Variants in CYTH4 observed in about 807,000 individuals in gnomAD.
The protein encoded by CYTH4 is cytohesin-4.
Under a neutral mutation model 57.5 loss-of-function variants are expected in CYTH4, and 22 were observed. That is an observed-to-expected ratio of 0.38 (90% CI 0.27 to 0.55). The LOEUF (loss-of-function observed/expected upper bound fraction) is 0.55. CYTH4 is among the 20% of genes least tolerant of loss of function. The pLI is 0.74. For missense variants in CYTH4, 420 were observed against 535.6 expected (o/e 0.78, Z 2.13); for synonymous variants, 186 against 206.5 (o/e 0.90, Z 0.85).
In CYTH4 at chr22:37,286,110, T is replaced by G. The variant is rs63325360; in HGVS notation, c.19+3522T>G. On this transcript the variant is annotated intron_variant, in intron 1 of 12. Coordinates refer to ENST00000248901, the MANE Select transcript of CYTH4 (RefSeq NM_013385.5). Reference sequence around the variant, plus strand: ...CAAAGTTGGCTTTGCAGGGGTTGGGTGGGGGCAACTGCAGGCATCATTCTG... The same window carrying G: ...CAAAGTTGGCTTTGCAGGGGTTGGGGGGGGGCAACTGCAGGCATCATTCTG... Among the ~76,000 whole-genome samples, 98 of 28,468 alleles carry G rather than the reference T, an allele frequency of 3.4e-3. No individual in the cohort carries two copies. In the East Asian group the frequency reaches 0.046, roughly 13 times the overall value. 18.7% of individuals were successfully genotyped at this position (28,468 alleles called of 152,430 possible).
rs1041280961 is a variant in CYTH4 at position 37,314,614 on chromosome 22, G to A, written c.*1103G>A. 1.3e-5 allele frequency: 5 copies of A among 393,646 alleles called. No individual in the cohort carries two copies. The highest frequency in any genetic ancestry group is 7.2e-5 in the East Asian group (2 of 27,812). 24.4% of individuals were successfully genotyped at this position (393,646 alleles called of 1,614,324 possible). On this transcript the variant is annotated 3_prime_UTR_variant, in exon 13 of 13. Coordinates refer to ENST00000248901, the MANE Select transcript of CYTH4 (RefSeq NM_013385.5). Reference sequence around the variant, plus strand: ...GCAGCCCGGCGGGTCCCAGCATCTCGAGACCCTCTGCAGAAGTATTATCAG... The same window carrying A: ...GCAGCCCGGCGGGTCCCAGCATCTCAAGACCCTCTGCAGAAGTATTATCAG...
chr22:37,308,824 A>G (rs1040892199), intron 8 of CYTH4, among the ~76,000 whole-genome samples: 27 of 151,782 alleles, frequency 1.8e-4, no homozygotes, highest in Middle Eastern at 3.4e-3. Context: ...ATGTGTGAGC[A>G]TGCATTTATA....
Position 37,311,950 on chromosome 22 carries a change from T to C in CYTH4, c.958-70T>C. The C allele has an allele frequency of 6.4e-7, 1 of 1,567,820 alleles. No individual in the cohort carries two copies. Among genetic ancestry groups the C allele is most frequent in the African/African-American group, 1.4e-5 (1 of 73,994 alleles). ...GATCAGGGACACTAGCGTCTGGGCT[T>C]CTCTGAGCCTCCTGGAGGGCCCACC... On this transcript the variant is annotated intron_variant, in intron 11 of 12. Transcript: ENST00000248901. The surrounding 1 kb of genome is among the most constrained non-coding windows in gnomAD (Gnocchi z 4.4).
chr22:37,299,208 T>G lies in CYTH4; in HGVS notation c.354-18T>G. The G allele has an allele frequency of 5.7e-5, 78 of 1,374,344 alleles. No homozygotes were observed. The highest frequency in any genetic ancestry group is 7.2e-5 in the African/African-American group (5 of 69,488). 85.1% of individuals were successfully genotyped at this position (1,374,344 alleles called of 1,614,324 possible). A position where few individuals can be genotyped will look rare whatever the true frequency, so the allele number is the denominator to read the frequency against. ...GTATCCAAGTGTGTCCCACCCTCCC[T>G]TCCGCCTCCTCCCCCAGGGATCCCA... is the stretch of plus-strand genomic sequence containing the variant. On this transcript the variant is annotated intron_variant, in intron 5 of 12. Transcript: ENST00000248901.
Position 37,293,092 on chromosome 22 carries a change from A to G in CYTH4, c.102+389A>G, listed in dbSNP as rs147004925. Among the ~76,000 whole-genome samples the G allele has an allele frequency of 7.3e-3, 1,108 of 152,298 alleles. 30 individuals are homozygous for G. Among genetic ancestry groups the G allele is most frequent in the Admixed American group, 0.051 (775 of 15,298 alleles). On this transcript the variant is annotated intron_variant, in intron 2 of 12. Coordinates refer to ENST00000248901, the MANE Select transcript of CYTH4 (RefSeq NM_013385.5). ...GTGCCCTGCACTTACCACTTCACCAATCAGACTCAGACGTCAGCTCATCTG... is the reference window on the plus strand; with the variant it reads ...GTGCCCTGCACTTACCACTTCACCAGTCAGACTCAGACGTCAGCTCATCTG...
At chr22:37,282,826 G>T (rs1412850317) in intron 1 of CYTH4, among the ~76,000 whole-genome samples, 1 of 152,208 alleles carries the variant, frequency 6.6e-6, no homozygotes, top group Non-Finnish European at 1.5e-5. Context: ...TCTAGATGAG[G>T]AGACCGGCAG....
rs1388068555 is a variant in CYTH4, at chr22:37,314,792, A to G, written c.*1281A>G. ...AAATTCCTTGGCAGGGGAACAGGAA[A>G]TGTGGCCGCCTCTGCCCCACTGCCA... On this transcript the variant is annotated 3_prime_UTR_variant, in exon 13 of 13. Transcript: ENST00000248901. 1 of 183,176 alleles carries G rather than the reference A, an allele frequency of 5.5e-6. No homozygotes were observed. The highest frequency in any genetic ancestry group is 2.3e-5 in the African/African-American group (1 of 42,826). The allele number at this position is 183,176 out of a possible 1,614,324, so 11.3% of individuals were successfully genotyped here. A position where few individuals can be genotyped will look rare whatever the true frequency, so the allele number is the denominator to read the frequency against.
intron 8 of CYTH4, chr22:37,304,246 G>A (rs778047812): frequency 5.0e-5 from 23 of 456,620 alleles, no homozygotes; most frequent in South Asian, 9.3e-5. Context: ...GAACGGAGGC[G>A]TGTCCTGATT....
chr22:37,303,221 G>A (rs112793326), intron 7 of CYTH4, 33 bp from the exon 8 acceptor site: 1 of 1,611,950 alleles, frequency 6.2e-7, no homozygotes, highest in South Asian at 1.1e-5. Context: ...AGAGTGGCCA[G>A]GGCCAGAACT....
At chr22:37,286,078 AGCTCTGCAAAGTTG>A (rs1928546507) in intron 1 of CYTH4, among the ~76,000 whole-genome samples, 1 of 145,482 alleles carries the variant, frequency 6.9e-6, no homozygotes, top group African/African-American at 2.5e-5. Context: ...CAGTTTCCCC[AGCTCTGCAAAGTTG>A]GCTTTGCAGG....
In CYTH4 at chr22:37,310,133, T is replaced by C. The variant is rs1395698503; in HGVS notation, c.808+810T>C. Reference sequence around the variant, plus strand: ...TCCTGTCTACCAAGCCCCGTGCCAGTCCTGCCCAGAACCCCCAGGAGCCCA... The same window carrying C: ...TCCTGTCTACCAAGCCCCGTGCCAGCCCTGCCCAGAACCCCCAGGAGCCCA... On this transcript the variant is annotated intron_variant, in intron 9 of 12. Transcript: ENST00000248901. 1.8e-5 allele frequency: 7 copies of C among 395,512 alleles called. No homozygotes were observed. In the East Asian group the frequency reaches 6.2e-4, roughly 35 times the overall value. The allele number at this position is 395,512 out of a possible 1,614,324, so 24.5% of individuals were successfully genotyped here. A position where few individuals can be genotyped will look rare whatever the true frequency, so the allele number is the denominator to read the frequency against.
In CYTH4 at chr22:37,282,523, C is replaced by T. The variant is rs761981963; in HGVS notation, c.-47C>T. 8.1e-6 allele frequency: 13 copies of T among 1,612,596 alleles called. No individual in the cohort carries two copies. Among genetic ancestry groups the T allele is most frequent in the East Asian group, 2.2e-5 (1 of 44,830 alleles). On this transcript the variant is annotated 5_prime_UTR_variant, in exon 1 of 13. Coordinates refer to ENST00000248901, the MANE Select transcript of CYTH4 (RefSeq NM_013385.5). Reference sequence around the variant, plus strand: ...GGGCCAGCCCGAACAGCAGCTGGGTCGGCAAGCGACAGGAGCACGGGTCAT... The same window carrying T: ...GGGCCAGCCCGAACAGCAGCTGGGTTGGCAAGCGACAGGAGCACGGGTCAT...
At chr22:37,313,093 C>T (rs146283221) in intron 12 of CYTH4, among the ~76,000 whole-genome samples, 191 of 152,380 alleles carry the variant, frequency 1.3e-3, no homozygotes, top group African/African-American at 4.4e-3. Context: ...CAGGGTCCAA[C>T]AGGCAGGTCT....
At chr22:37,289,600 C>T (rs1001314491) in intron 1 of CYTH4, among the ~76,000 whole-genome samples, 17 of 152,240 alleles carry the variant, frequency 1.1e-4, no homozygotes, top group Non-Finnish European at 2.2e-4. Flanking sequence ...ACATGAGGAT[C>T]TGGGCCACCT....
chr22:37,304,579 T>C (rs1226335884), intron 8 of CYTH4, among the ~76,000 whole-genome samples: 1 of 152,076 alleles, frequency 6.6e-6, no homozygotes, highest in African/African-American at 2.4e-5. Flanking sequence ...CAGCACCGAG[T>C]ATACCTCCTG....
chr22:37,297,965 G>A, intron 5 of CYTH4: 1 of 267,312 alleles, frequency 3.7e-6, no homozygotes, highest in Non-Finnish European at 7.4e-6. Flanking sequence ...CAAAACTCTT[G>A]TCCTCAGGAA....
chr22:37,285,927 C>G (rs569782607), intron 1 of CYTH4, among the ~76,000 whole-genome samples: 2 of 152,086 alleles, frequency 1.3e-5, no homozygotes, highest in Non-Finnish European at 2.9e-5. Flanking sequence ...ACAGGACCCC[C>G]GTCAGAAGGG....
Position 37,282,545 on chromosome 22 carries a change from T to G in CYTH4, c.-25T>G, listed in dbSNP as rs781692372. The G allele has an allele frequency of 1.2e-6, 2 of 1,613,590 alleles. No homozygotes were observed. Among genetic ancestry groups the G allele is most frequent in the East Asian group, 4.5e-5 (2 of 44,852 alleles). Reference sequence around the variant, plus strand: ...GGTCGGCAAGCGACAGGAGCACGGGTCATCTTTTCCCCAGAGGCGTCGGAA... The same window carrying G: ...GGTCGGCAAGCGACAGGAGCACGGGGCATCTTTTCCCCAGAGGCGTCGGAA... On this transcript the variant is annotated 5_prime_UTR_variant, in exon 1 of 13. Transcript: ENST00000248901.
At position 37,297,662 on chromosome 22, in the gene CYTH4, T is replaced by C. The variant is rs1350069939; in HGVS notation, c.333T>C (p.Ile111=). The change falls in exon 5 of 13, where the codon ATT becomes ATC. Residue 111 remains isoleucine (I), a synonymous_variant. Coordinates refer to ENST00000248901, the MANE Select transcript of CYTH4 (RefSeq NM_013385.5). ...GCGAGGGCCTCAACAAGACAGCCATTGGTACCTACCTGGGGGAGAGGTAAG... is the reference window on the plus strand; with the variant it reads ...GCGAGGGCCTCAACAAGACAGCCATCGGTACCTACCTGGGGGAGAGGTAAG... ...YKGEGLNKTA[I]GTYLGERDPI... The C allele has an allele frequency of 6.2e-7, 1 of 1,613,862 alleles. No homozygotes were observed. Among genetic ancestry groups the C allele is most frequent in the Admixed American group, 1.7e-5 (1 of 60,010 alleles).
Sources: allele counts gnomAD v4.1 joint callset (sites outside exome capture counted in the v4.1 genomes callset), GRCh38; gene constraint gnomAD v4.1.1; non-coding constraint Gnocchi (gnomAD v3.1); transcripts MANE v1.5; gene names NCBI Gene and HGNC (gene_info 2026-07-23, HGNC 2026-07-21).